NOS2: variants seen among roughly 807,000 people sequenced by gnomAD.
The protein encoded by NOS2 is nitric oxide synthase, inducible.
In NOS2, 96 loss-of-function variants were observed where a neutral mutation model predicts 136.0. The ratio of observed to expected loss-of-function variants is 0.71; its 90% CI spans 0.60 to 0.84. The LOEUF is 0.84. Ranked by LOEUF, NOS2 falls within the 40% of genes least tolerant of loss-of-function variation. The pLI, the probability that NOS2 is intolerant of heterozygous loss-of-function variation, is 0.00. For synonymous variants in NOS2, 539 were observed against 587.5 expected, an observed-to-expected ratio of 0.92 and a Z score of 1.20; for missense variants, 1,237 against 1,496.9, an observed-to-expected ratio of 0.83 and a Z score of 2.87.
intron 15 of NOS2, among the ~76,000 whole-genome samples, chr17:27,770,218 G>A (rs755092189): frequency 2.0e-4 from 31 of 152,158 alleles, no homozygotes; most frequent in African/African-American, 6.5e-4. Context: ...GGTGGCTCAC[G>A]CCTATAATCC....
rs201529188 is a variant in NOS2 at position 27,780,870 on chromosome 17, G to A, written c.901C>T (p.Arg301Cys). The change falls in exon 9 of 27, where the codon CGC (arginine) becomes TGC (cysteine). Residue 301 changes from arginine (R) to cysteine (C), a missense_variant. Arg to Cys is a radical substitution (Grantham distance 180, BLOSUM62 -3). This residue lies in a region of NOS2 where 440 missense variants were observed against 545.4 expected (regional missense o/e 0.81). Transcript: ENST00000313735. ...IDLGWKPKYGRFDVVPLVLQA... is the reference protein window; with the variant it reads ...IDLGWKPKYGCFDVVPLVLQA... ...AGGACCAGGGGGACCACATCGAAGC[G>A]GCCGTACTTGGGCTTCCAGCCCAGG... 6.8e-6 allele frequency: 11 copies of A among 1,613,938 alleles called. No homozygotes were observed. The highest frequency in any genetic ancestry group is 1.6e-4 in the Middle Eastern group (1 of 6,084).
intron 1 of NOS2, 61 bp from the exon 2 acceptor site, chr17:27,798,943 C>A: frequency 3.1e-6 from 2 of 650,300 alleles, no homozygotes; most frequent in Admixed American, 2.5e-5. Flanking sequence ...CAGGGCTTCT[C>A]AGTGGGGTTG....
At chr17:27,774,624 C>T (rs1465620249) in intron 11 of NOS2, among the ~76,000 whole-genome samples, 173 bp from the exon 12 acceptor site, 8 of 152,282 alleles carry the variant, frequency 5.3e-5, no homozygotes, top group Admixed American at 2.6e-4. Flanking sequence ...AAATGGAAGG[C>T]GCTTGTGGAG....
At chr17:27,771,668 C>T (rs1908499131) in intron 14 of NOS2, among the ~76,000 whole-genome samples, 1 of 152,212 alleles carries the variant, frequency 6.6e-6, no homozygotes, top group African/African-American at 2.4e-5. Context: ...TCCCAGAAGC[C>T]GTGCGACCCT....
At chr17:27,761,713 G>A (rs980185096) in intron 22 of NOS2, among the ~76,000 whole-genome samples, 7 of 152,092 alleles carry the variant, frequency 4.6e-5, no homozygotes, top group African/African-American at 9.7e-5. Context: ...GATGAGTTCC[G>A]CGCATTTCAG....
At chr17:27,766,848 A>G (rs1908319145) in intron 18 of NOS2, among the ~76,000 whole-genome samples, 1 of 151,962 alleles carries the variant, frequency 6.6e-6, no homozygotes. Context: ...AGAGTTTGAG[A>G]CCAGACTGGC....
intron 16 of NOS2, 97 bp from the exon 17 acceptor site, chr17:27,769,248 T>C: frequency 2.5e-6 from 3 of 1,217,056 alleles, no homozygotes; most frequent in Non-Finnish European, 2.3e-6. Context: ...CCCCAGACTC[T>C]CCCCCTCCAG....
At position 27,758,769 on chromosome 17, in the gene NOS2, T is replaced by C. The variant is rs151238931; in HGVS notation, c.3354+112A>G. ...AGCCACTGCTAAGATTCTCTTGGGG[T>C]CCAGAACCTTTCTGGGCCTGATTCC... On this transcript the variant is annotated intron_variant, in intron 26 of 26. Transcript: ENST00000313735. 717 of 817,674 alleles carry C rather than the reference T, an allele frequency of 8.8e-4. 9 individuals are homozygous for C. In the East Asian group the frequency reaches 0.017, roughly 19 times the overall value. 50.7% of individuals were successfully genotyped at this position (817,674 alleles called of 1,614,324 possible). A position where few individuals can be genotyped will look rare whatever the true frequency, so the allele number is the denominator to read the frequency against.
At chr17:27,765,474 T>C in intron 20 of NOS2, 61 bp downstream of exon 20, 4 of 1,476,850 alleles carry the variant, frequency 2.7e-6, no homozygotes, top group Non-Finnish European at 3.6e-6. Context: ...GCTCAGCCCC[T>C]CAGCCAGGTG....
intron 24 of NOS2, 32 bp from the exon 25 acceptor site, chr17:27,760,210 T>G (rs192579953): frequency 1.3e-5 from 19 of 1,512,870 alleles, no homozygotes; most frequent in Non-Finnish European, 1.7e-5. Context: ...GTTACCATGT[T>G]GGCCACCAGA....
At chr17:27,760,311 TGA>T in intron 24 of NOS2, 133 bp from the exon 25 acceptor site, 1 of 977,452 alleles carries the variant, frequency 1.0e-6, no homozygotes. Context: ...ATGAGGAAAC[TGA>T]GGCCCAGCGC....
At chr17:27,792,731 C>A (rs1243032213) in intron 2 of NOS2, among the ~76,000 whole-genome samples, 1 of 142,736 alleles carries the variant, frequency 7.0e-6, no homozygotes, top group Non-Finnish European at 1.5e-5. Context: ...GTCATCTCAG[C>A]ACTTTGGAAG....
Position 27,787,191 on chromosome 17 carries a change from G to A in NOS2, c.467+487C>T, listed in dbSNP as rs28942371. On this transcript the variant is annotated intron_variant, in intron 5 of 26. Coordinates refer to ENST00000313735, the MANE Select transcript of NOS2 (RefSeq NM_000625.4). ...TTCCATGTTCACACCTGTAGGAGTAGGGGCCTGACTAGGTGGTCTCAGAGA... is the reference window on the plus strand; with the variant it reads ...TTCCATGTTCACACCTGTAGGAGTAAGGGCCTGACTAGGTGGTCTCAGAGA... 2.8e-3 allele frequency among the ~76,000 whole-genome samples: 423 copies of A among 152,286 alleles called. 5 individuals are homozygous for A. The highest frequency in any genetic ancestry group is 9.5e-3 in the African/African-American group (394 of 41,528).
chr17:27,794,617 CA>C (rs1909293981), intron 2 of NOS2, among the ~76,000 whole-genome samples: 1 of 152,156 alleles, frequency 6.6e-6, no homozygotes, highest in Admixed American at 6.5e-5. Context: ...GCAAGCAACA[CA>C]TAGCTCGACT....
At chr17:27,785,592 C>T (rs1300660199) in intron 5 of NOS2, among the ~76,000 whole-genome samples, 2 of 152,196 alleles carry the variant, frequency 1.3e-5, no homozygotes, top group Middle Eastern at 3.4e-3. Flanking sequence ...TGAGGACCAC[C>T]GACCCTGGAA....
At chr17:27,792,837 A>AAC (rs1677225086) in intron 2 of NOS2, among the ~76,000 whole-genome samples, 2 of 150,724 alleles carry the variant, frequency 1.3e-5, no homozygotes, top group African/African-American at 4.9e-5. Flanking sequence ...AAAAAAAAAA[A>AAC]AGGTGCCAAG....
intron 2 of NOS2, among the ~76,000 whole-genome samples, chr17:27,792,904 C>T (rs1909237889): frequency 6.7e-6 from 1 of 150,224 alleles, no homozygotes; most frequent in African/African-American, 2.5e-5. Context: ...GTGGGAGGAT[C>T]ACCTGAGCCC....
intron 2 of NOS2, among the ~76,000 whole-genome samples, chr17:27,792,533 G>A (rs1487829925): frequency 1.3e-5 from 2 of 152,110 alleles, no homozygotes; most frequent in African/African-American, 4.8e-5. Flanking sequence ...CAGGGTGACA[G>A]GGTGACCAGA....
intron 2 of NOS2, among the ~76,000 whole-genome samples, chr17:27,797,040 T>C (rs969082163): frequency 6.6e-6 from 1 of 152,184 alleles, no homozygotes; most frequent in Non-Finnish European, 1.5e-5. Flanking sequence ...ATTCAAGCCC[T>C]TGTGCTCTGG....
Sources: allele counts gnomAD v4.1 joint callset (sites outside exome capture counted in the v4.1 genomes callset), GRCh38; gene constraint gnomAD v4.1.1; regional missense constraint gnomAD v4.1.1; transcripts MANE v1.5; gene names NCBI Gene and HGNC (gene_info 2026-07-23, HGNC 2026-07-21).